NBEA: variants seen among roughly 807,000 people sequenced by gnomAD.
NBEA encodes the protein lysosomal-trafficking regulator 2.
Under a neutral mutation model 343.4 loss-of-function variants are expected in NBEA, and 44 were observed. That is an observed-to-expected ratio of 0.13 (90% confidence interval 0.10 to 0.16). The LOEUF (loss-of-function observed/expected upper bound fraction) is 0.16, where lower values mean the gene tolerates loss of function less well. Ranked by LOEUF, NBEA falls within the 10% of genes least tolerant of loss-of-function variation. NBEA has a pLI of 1.00. For synonymous variants in NBEA, 1,175 were observed against 1,238.7 expected, an observed-to-expected ratio of 0.95 and a Z score of 1.08; for missense variants, 2,555 against 3,631.3, an observed-to-expected ratio of 0.70 and a Z score of 7.62.
At chr13:35,497,400 T>C (rs2152977557) in intron 41 of NBEA, among the ~76,000 whole-genome samples, 1 of 152,238 alleles carries the variant, frequency 6.6e-6, no homozygotes, top group East Asian at 1.9e-4. Flanking sequence ...TTATTTCATT[T>C]GCTATATTCT....
In NBEA at chr13:35,472,450, G is replaced by A; in HGVS notation, c.6499G>A (p.Ala2167Thr). 2 of 1,613,968 alleles carry A rather than the reference G, an allele frequency of 1.2e-6. No homozygotes were observed. Among genetic ancestry groups the A allele is most frequent in the South Asian group, 2.2e-5 (2 of 91,072 alleles). The change falls in exon 41 of 59, where the codon GCC becomes ACC. Residue 2167 changes from alanine to threonine, a missense_variant. This residue lies in a region of NBEA where 246 missense variants were observed against 313.7 expected (regional missense o/e 0.78). Transcript: ENST00000379939. The stretch of plus-strand genomic sequence containing the variant: ...CCAGCTCATCGCTCCCGTGGTGGTG[G>A]CCAAGGGGACTCTCTCCATCACCAC... ...PAQLIAPVVV[A>T]KGTLSITTTE...
chr13:35,648,469 T>A (rs1219176440), intron 51 of NBEA, among the ~76,000 whole-genome samples: 1 of 152,086 alleles, frequency 6.6e-6, no homozygotes, highest in Admixed American at 6.5e-5. Context: ...TTTATTCCCG[T>A]GTTAGTTTTC....
chr13:35,408,251 A>G (rs1248599223), intron 38 of NBEA, among the ~76,000 whole-genome samples: 1 of 152,206 alleles, frequency 6.6e-6, no homozygotes, highest in Non-Finnish European at 1.5e-5. Flanking sequence ...AAAAGCAAGC[A>G]ATGGAGAAAG....
intron 44 of NBEA, among the ~76,000 whole-genome samples, chr13:35,556,728 A>C (rs921853970): frequency 2.6e-5 from 4 of 152,044 alleles, no homozygotes; most frequent in Admixed American, 6.6e-5. Flanking sequence ...CTTCAACTCA[A>C]TTTTATTTCT....
intron 1 of NBEA, among the ~76,000 whole-genome samples, chr13:35,003,060 ACACT>A (rs1341116512): frequency 6.6e-6 from 1 of 152,194 alleles, no homozygotes; most frequent in Non-Finnish European, 1.5e-5. Context: ...AAGAATGCAC[ACACT>A]CAATCCAAAG....
intron 33 of NBEA, among the ~76,000 whole-genome samples, chr13:35,214,356 A>T (rs950645035): frequency 1.3e-5 from 2 of 151,982 alleles, no homozygotes; most frequent in Non-Finnish European, 3.0e-5. Flanking sequence ...ATTTTATATT[A>T]CTGTCAGCAA....
Position 35,638,243 on chromosome 13 carries a change from A to G in NBEA, c.7618-7626A>G, listed in dbSNP as rs1374482964. On this transcript the variant is annotated intron_variant, in intron 49 of 58. Coordinates refer to ENST00000379939, the MANE Select transcript of NBEA (RefSeq NM_001385012.1). ...AACTGTACTCTTAAAAATGGTTAAG[A>G]TGGTAAATTTTGTGTTATATATATT... 1.3e-5 allele frequency among the ~76,000 whole-genome samples: 2 copies of G among 152,226 alleles called. 1 individual carries two copies. The highest frequency in any genetic ancestry group is 4.8e-5 in the African/African-American group (2 of 41,458).
intron 40 of NBEA, among the ~76,000 whole-genome samples, chr13:35,454,958 T>A (rs2046492459): frequency 6.6e-6 from 1 of 152,084 alleles, no homozygotes; most frequent in African/African-American, 2.4e-5. Flanking sequence ...TTATTTGCTA[T>A]CTCAGAAATA....
intron 43 of NBEA, 66 bp downstream of exon 43, chr13:35,551,098 A>G (rs1418776963): frequency 5.4e-6 from 5 of 928,508 alleles, no homozygotes; most frequent in Admixed American, 2.6e-5. Flanking sequence ...TATTACAGCA[A>G]TGTAAATGTG....
At chr13:34,956,488 TAAC>T (rs1004197367) in intron 1 of NBEA, among the ~76,000 whole-genome samples, 8 of 150,314 alleles carry the variant, frequency 5.3e-5, no homozygotes, top group African/African-American at 2.0e-4. Context: ...AAAATATACA[TAAC>T]ATATAATTTA....
At chr13:35,335,068 C>A (rs1001829483) in intron 36 of NBEA, among the ~76,000 whole-genome samples, 1 of 152,112 alleles carries the variant, frequency 6.6e-6, no homozygotes. Flanking sequence ...CATTCTTCTG[C>A]ATATGGATAT....
chr13:35,475,582 TG>T, intron 41 of NBEA: 1 of 1,613,342 alleles, frequency 6.2e-7, no homozygotes, highest in Non-Finnish European at 8.5e-7. Flanking sequence ...AAGTGGCCAG[TG>T]GGCAGCACTC....
intron 41 of NBEA, among the ~76,000 whole-genome samples, chr13:35,473,991 G>T (rs1334306618): frequency 6.6e-6 from 1 of 152,090 alleles, no homozygotes; most frequent in Admixed American, 6.5e-5. Flanking sequence ...TGTTTCTGTT[G>T]TAGAAAGGAA....
chr13:35,249,462 G>A (rs1241984293), intron 34 of NBEA, among the ~76,000 whole-genome samples: 1 of 152,022 alleles, frequency 6.6e-6, no homozygotes, highest in Non-Finnish European at 1.5e-5. Flanking sequence ...ATAGTCAAAA[G>A]CACAAGAAGA....
intron 34 of NBEA, among the ~76,000 whole-genome samples, chr13:35,252,330 G>C (rs73169704): frequency 0.097 from 14,838 of 152,224 alleles, 791 homozygotes; most frequent in South Asian, 0.12. Context: ...GATTCAGTCA[G>C]CTCTGCCAGG....
At chr13:35,626,256 A>G (rs1390574504) in intron 48 of NBEA, among the ~76,000 whole-genome samples, 2 of 152,234 alleles carry the variant, frequency 1.3e-5, no homozygotes, top group Non-Finnish European at 2.9e-5. Context: ...GAGAAACATT[A>G]AATACATTAT....
chr13:35,246,184 T>G (rs117427143), intron 34 of NBEA, among the ~76,000 whole-genome samples: 4,534 of 152,274 alleles, frequency 0.03, 102 homozygotes, highest in Non-Finnish European at 0.045. Context: ...ATTTCTCTTG[T>G]CATATCTTAT....
At chr13:35,061,283 A>G (rs2063458727) in intron 8 of NBEA, among the ~76,000 whole-genome samples, 1 of 151,722 alleles carries the variant, frequency 6.6e-6, no homozygotes, top group Non-Finnish European at 1.5e-5. Context: ...TTAGGGTGTC[A>G]CTTATTAACT....
At chr13:35,101,993 T>C (rs1304224512) in intron 11 of NBEA, among the ~76,000 whole-genome samples, 4 of 151,830 alleles carry the variant, frequency 2.6e-5, no homozygotes, top group African/African-American at 9.7e-5. Flanking sequence ...GATTATTCTG[T>C]TTCCTTCTTA....
Sources: gnomAD v4.1 joint callset for allele counts (sites outside exome capture counted in the v4.1 genomes callset) on GRCh38, gnomAD v4.1.1 for gene constraint, gnomAD v4.1.1 regional missense constraint, MANE v1.5 for transcripts, NCBI Gene and HGNC (gene_info 2026-07-23, HGNC 2026-07-21) for gene names.